The following KLHL1 variants were observed in gnomAD, a reference collection of about 807,000 sequenced individuals.
KLHL1 encodes the protein kelch-like protein 1.
Under a neutral mutation model 77.7 loss-of-function variants are expected in KLHL1, and 47 were observed. The observed-to-expected ratio is 0.60, with a 90% CI of 0.48 to 0.77. The LOEUF (loss-of-function observed/expected upper bound fraction) is 0.77, where lower values mean the gene tolerates loss of function less well. Ranked by LOEUF, KLHL1 falls within the 30% of genes least tolerant of loss-of-function variation. The probability of loss-of-function intolerance (pLI) is 0.00; values close to 1 mark genes in which losing one functional copy is unlikely to be tolerated. For missense variants in KLHL1, 925 were observed against 910.8 expected, an observed-to-expected ratio of 1.02 and a Z score of -0.20; for synonymous variants, 360 against 325.2, an observed-to-expected ratio of 1.11 and a Z score of -1.15.
intron 4 of KLHL1, among the ~76,000 whole-genome samples, chr13:69,915,595 A>T (rs1329639469): frequency 2.0e-5 from 3 of 152,240 alleles, no homozygotes; most frequent in Non-Finnish European, 4.4e-5. Flanking sequence ...AATTAATTCA[A>T]GATGGATTAA....
intron 9 of KLHL1, among the ~76,000 whole-genome samples, chr13:69,708,241 T>G (rs1033676287): frequency 6.6e-6 from 1 of 151,936 alleles, no homozygotes; most frequent in Non-Finnish European, 1.5e-5. Flanking sequence ...CTAAATTTGC[T>G]AGGAAAAAAA....
chr13:69,833,123 A>G (rs1277801131), intron 6 of KLHL1, among the ~76,000 whole-genome samples: 4 of 152,182 alleles, frequency 2.6e-5, no homozygotes, highest in South Asian at 2.1e-4. Flanking sequence ...ATTAAACTCA[A>G]TAAGTTTCTG....
At position 69,981,284 on chromosome 13, in the gene KLHL1, T is replaced by C. The variant is rs140825389; in HGVS notation, c.498-5482A>G. The stretch of plus-strand genomic sequence containing the variant: ...TAAAACCATTTAAATAAATAAGATA[T>C]ATTAATTGCAAACAAGAATTTCTGG... On this transcript the variant is annotated intron_variant, in intron 1 of 10. Coordinates refer to ENST00000377844, the MANE Select transcript of KLHL1 (RefSeq NM_020866.3). Among the ~76,000 whole-genome samples, 690 of 152,242 alleles carry C rather than the reference T, an allele frequency of 4.5e-3. 4 individuals are homozygous for C. Among genetic ancestry groups the C allele is most frequent in the Middle Eastern group, 0.017 (5 of 294 alleles).
At chr13:70,094,473 A>G (rs1887742814) in intron 1 of KLHL1, among the ~76,000 whole-genome samples, 1 of 150,774 alleles carries the variant, frequency 6.6e-6, no homozygotes. Context: ...TGCTTGGGAA[A>G]AAGCAAAAAG....
At chr13:69,852,930 A>T (rs1593888478) in intron 5 of KLHL1, among the ~76,000 whole-genome samples, 1 of 152,006 alleles carries the variant, frequency 6.6e-6, no homozygotes, top group African/African-American at 2.4e-5. Context: ...AATGTGTCAA[A>T]CCCTATGCCA....
chr13:69,993,998 C>T (rs892425944), intron 1 of KLHL1, among the ~76,000 whole-genome samples: 11 of 151,942 alleles, frequency 7.2e-5, no homozygotes, highest in Non-Finnish European at 1.2e-4. Context: ...TTAAAAAATG[C>T]TTTAGCAACA....
intron 1 of KLHL1, among the ~76,000 whole-genome samples, chr13:70,058,502 A>G (rs2137401702): frequency 6.6e-6 from 1 of 152,310 alleles, no homozygotes; most frequent in Non-Finnish European, 1.5e-5. Flanking sequence ...AATACTTATG[A>G]ATAAACTTAA....
rs144157909 is a variant in KLHL1, at chr13:69,901,694, A to C, written c.1015-19199T>G. On this transcript the variant is annotated intron_variant, in intron 4 of 10. Coordinates refer to ENST00000377844, the MANE Select transcript of KLHL1 (RefSeq NM_020866.3). Reference sequence around the variant, plus strand: ...AACAAATTTGCAATGTGGTTGCAAAATAAATTGATGATATCTGTTGCAGTA... The same window carrying C: ...AACAAATTTGCAATGTGGTTGCAAACTAAATTGATGATATCTGTTGCAGTA... Among the ~76,000 whole-genome samples the C allele has an allele frequency of 5.0e-3, 761 of 152,330 alleles. 1 individual carries two copies. Among genetic ancestry groups the C allele is most frequent in the Admixed American group, 0.012 (190 of 15,304 alleles).
intron 8 of KLHL1, among the ~76,000 whole-genome samples, chr13:69,734,532 TAAGAA>T: frequency 6.6e-6 from 1 of 152,218 alleles, no homozygotes; most frequent in African/African-American, 2.4e-5. Context: ...CGAAAATTAT[TAAGAA>T]AATAAGAAAG....
chr13:70,005,582 T>C (rs1019564635), intron 1 of KLHL1, among the ~76,000 whole-genome samples: 5 of 151,968 alleles, frequency 3.3e-5, no homozygotes, highest in African/African-American at 1.2e-4. Context: ...AGATTAGAAA[T>C]CCTTATTTTA....
rs575805243 is a variant in KLHL1, at chr13:70,036,316, T to C, written c.498-60514A>G. The stretch of plus-strand genomic sequence containing the variant: ...CAACATATGTGCAAAAGAGGACATA[T>C]AATGTATATGTAAATATAAGAAATT... On this transcript the variant is annotated intron_variant, in intron 1 of 10. Transcript: ENST00000377844. Among the ~76,000 whole-genome samples the C allele has an allele frequency of 6.2e-4, 95 of 152,114 alleles. 1 individual carries two copies. Among genetic ancestry groups the C allele is most frequent in the African/African-American group, 2.3e-3 (94 of 41,562 alleles).
rs897497578 is a variant in KLHL1 at position 69,757,844 on chromosome 13, C to T, written c.1640-17288G>A. Among the ~76,000 whole-genome samples, 14 of 151,254 alleles carry T rather than the reference C, an allele frequency of 9.3e-5. No individual in the cohort carries two copies. In the East Asian group the frequency reaches 2.4e-3, roughly 26 times the overall value. On this transcript the variant is annotated intron_variant, in intron 7 of 10. Transcript: ENST00000377844. The stretch of plus-strand genomic sequence containing the variant: ...TGGTGGCAGGTGCCTGTAATCCCAG[C>T]TACTCAGGAGGCTGAGGCAGGAGAA...
chr13:69,809,118 G>A (rs1877750523), intron 6 of KLHL1, among the ~76,000 whole-genome samples: 1 of 152,062 alleles, frequency 6.6e-6, no homozygotes, highest in Admixed American at 6.6e-5. Flanking sequence ...GAGGAAGCAA[G>A]CAACTTGGAA....
chr13:70,106,363 G>A (rs921487399), intron 1 of KLHL1, among the ~76,000 whole-genome samples: 1 of 151,986 alleles, frequency 6.6e-6, no homozygotes, highest in African/African-American at 2.4e-5. Flanking sequence ...GTAATGATGT[G>A]GTTTAGAATA....
intron 2 of KLHL1, among the ~76,000 whole-genome samples, chr13:69,962,863 T>G (rs1022789778): frequency 2.1e-4 from 32 of 152,140 alleles, no homozygotes; most frequent in Non-Finnish European, 3.7e-4. Flanking sequence ...TACTTTTTTC[T>G]TTAAGATCTT....
intron 6 of KLHL1, among the ~76,000 whole-genome samples, chr13:69,809,811 C>G (rs554569063): frequency 6.6e-6 from 1 of 151,372 alleles, no homozygotes; most frequent in South Asian, 2.1e-4. Context: ...AGAGACCCAT[C>G]TGATGTGTAA....
At chr13:69,893,079 TATA>T (rs1463783601) in intron 4 of KLHL1, among the ~76,000 whole-genome samples, 2 of 152,094 alleles carry the variant, frequency 1.3e-5, no homozygotes, top group East Asian at 3.9e-4. Flanking sequence ...TAGAAATAAT[TATA>T]ATAATTGTCA....
chr13:69,938,695 A>ATG (rs1363605392), intron 4 of KLHL1, among the ~76,000 whole-genome samples: 2 of 152,106 alleles, frequency 1.3e-5, no homozygotes, highest in Admixed American at 6.6e-5. Flanking sequence ...TTGATTTGCT[A>ATG]TGGTTCACAT....
intron 1 of KLHL1, among the ~76,000 whole-genome samples, chr13:70,061,492 A>T (rs192031032): frequency 6.6e-6 from 1 of 152,190 alleles, no homozygotes; most frequent in East Asian, 1.9e-4. Context: ...TGGGCAGCAT[A>T]TTGTGCTCAC....
Sources: allele counts gnomAD v4.1 joint callset (sites outside exome capture counted in the v4.1 genomes callset), GRCh38; gene constraint gnomAD v4.1.1; transcripts MANE v1.5; gene names NCBI Gene and HGNC (gene_info 2026-07-23, HGNC 2026-07-21).